Variants in USP31 observed in about 807,000 individuals in gnomAD.
USP31 encodes the protein ubiquitin specific peptidase 31, also known as ubiquitin carboxyl-terminal hydrolase 31.
USP31 carries 44 observed loss-of-function variants against 119.4 expected under a neutral mutation model. That is an observed-to-expected ratio of 0.37 (90% confidence interval 0.29 to 0.47). USP31 has a LOEUF of 0.47. Among genes scored for constraint, USP31 ranks in the 20% least tolerant of loss-of-function variants. The pLI, the probability that USP31 is intolerant of heterozygous loss-of-function variation, is 0.99. For synonymous variants in USP31, 749 were observed against 705.6 expected (o/e 1.06, Z -0.97); for missense variants, 1,643 against 1,730.2 (o/e 0.95, Z 0.89).
intron 4 of USP31, 56 bp from the exon 5 acceptor site, chr16:23,105,632 G>T (rs879314653): frequency 1.9e-5 from 28 of 1,469,222 alleles, no homozygotes; most frequent in Admixed American, 4.6e-5. Context: ...CTAAAATATA[G>T]AAGATGCAAA....
rs1424108867 is a variant in USP31, at chr16:23,067,259, G to C, written c.*787C>G. On this transcript the variant is annotated 3_prime_UTR_variant, in exon 16 of 16. Coordinates refer to ENST00000219689, the MANE Select transcript of USP31 (RefSeq NM_020718.4). ...AATTAAACGAGTGACTGGCTTTCTG[G>C]CTATCCAATCTGCCACTTCCTAGGA... 1 of 152,622 alleles carries C rather than the reference G, an allele frequency of 6.6e-6. No individual in the cohort carries two copies. The highest frequency in any genetic ancestry group is 1.5e-5 in the Non-Finnish European group (1 of 68,052). 9.5% of individuals were successfully genotyped at this position (152,622 alleles called of 1,614,324 possible). A position where few individuals can be genotyped will look rare whatever the true frequency, so the allele number is the denominator to read the frequency against.
At chr16:23,087,890 T>C in intron 7 of USP31, 55 bp from the exon 8 acceptor site, 1 of 1,456,294 alleles carries the variant, frequency 6.9e-7, no homozygotes, top group Admixed American at 1.7e-5. Flanking sequence ...CCTTTAACAC[T>C]GTTATCTTTT....
intron 13 of USP31, among the ~76,000 whole-genome samples, chr16:23,074,952 C>T (rs1900499776): frequency 6.6e-6 from 1 of 152,146 alleles, no homozygotes; most frequent in African/African-American, 2.4e-5. Flanking sequence ...CTGGAACAGA[C>T]TCAGGATGGC....
At chr16:23,083,595 TAAA>T (rs755789724) in intron 11 of USP31, among the ~76,000 whole-genome samples, 4 of 98,846 alleles carry the variant, frequency 4.0e-5, no homozygotes, top group Non-Finnish European at 4.0e-5. Context: ...CCAAAGTCAT[TAAA>T]AAAAAAAAAA....
intron 5 of USP31, among the ~76,000 whole-genome samples, chr16:23,104,828 A>T (rs1295761724): frequency 6.6e-6 from 1 of 152,240 alleles, no homozygotes; most frequent in East Asian, 1.9e-4. Context: ...ATGCAAAAAC[A>T]TGTCAAGTCC....
Position 23,149,349 on chromosome 16 carries a change from G to A in USP31, c.-79C>T. On this transcript the variant is annotated 5_prime_UTR_variant, in exon 1 of 16. Transcript: ENST00000219689. ...GCCACGGCCGCCGCCGCATCCCGCA[G>A]CGCCGCGCCTCACCGGGCCCGGGGG... 1 of 997,108 alleles carries A rather than the reference G, an allele frequency of 1.0e-6. No homozygotes were observed. The highest frequency in any genetic ancestry group is 1.2e-6 in the Non-Finnish European group (1 of 839,306). The allele number at this position is 997,108 out of a possible 1,614,324, so 61.8% of individuals were successfully genotyped here. A position where few individuals can be genotyped will look rare whatever the true frequency, so the allele number is the denominator to read the frequency against.
chr16:23,134,674 TA>T (rs371982166), intron 1 of USP31, among the ~76,000 whole-genome samples: 28,461 of 86,778 alleles, frequency 0.33, 2,795 homozygotes, highest in Non-Finnish European at 0.35. Context: ...GAAACAAAGC[TA>T]AAAAAAAAAA....
intron 1 of USP31, among the ~76,000 whole-genome samples, chr16:23,137,594 CAT>C (rs1276599375): frequency 2.7e-5 from 4 of 150,168 alleles, no homozygotes; most frequent in African/African-American, 9.8e-5. Flanking sequence ...TAATATAACA[CAT>C]GACATATATA....
At chr16:23,070,877 G>A (rs1398273138) in intron 15 of USP31, among the ~76,000 whole-genome samples, 1 of 152,128 alleles carries the variant, frequency 6.6e-6, no homozygotes, top group Non-Finnish European at 1.5e-5. Context: ...GCTCTATTCT[G>A]TGGGCACCAC....
Position 23,148,686 on chromosome 16 carries a change from C to T in USP31, c.585G>A (p.Arg195=), listed in dbSNP as rs1250221779. 1.3e-6 allele frequency: 2 copies of T among 1,493,192 alleles called. No individual in the cohort carries two copies. The highest frequency in any genetic ancestry group is 1.8e-6 in the Non-Finnish European group (2 of 1,124,686). 92.5% of individuals were successfully genotyped at this position (1,493,192 alleles called of 1,614,324 possible). A position where few individuals can be genotyped will look rare whatever the true frequency, so the allele number is the denominator to read the frequency against. The change falls in exon 1 of 16, where the codon CGG becomes CGA. Residue 195 remains arginine (R), a synonymous_variant. Coordinates refer to ENST00000219689, the MANE Select transcript of USP31 (RefSeq NM_020718.4). ...EVTEQLAHLV[R]ALWTLEYTPQ... ...GGGTGTACTCCAGGGTCCAGAGGGC[C>T]CGCACCAGGTGCGCCAGCTGCTCAG...
chr16:23,132,202 T>C (rs1903049816), intron 1 of USP31, among the ~76,000 whole-genome samples: 2 of 152,202 alleles, frequency 1.3e-5, no homozygotes, highest in African/African-American at 4.8e-5. Flanking sequence ...AAAAGGTCAT[T>C]TGAGGAACAG....
chr16:23,100,219 G>C (rs1029562214), intron 6 of USP31, among the ~76,000 whole-genome samples: 3 of 152,066 alleles, frequency 2.0e-5, no homozygotes, highest in African/African-American at 7.2e-5. Flanking sequence ...AAACTTGTGT[G>C]GAATGTTCAC....
chr16:23,095,976 G>C (rs1322264809), intron 6 of USP31, among the ~76,000 whole-genome samples: 1 of 152,130 alleles, frequency 6.6e-6, no homozygotes, highest in Non-Finnish European at 1.5e-5. Flanking sequence ...ATAATAACAG[G>C]ATCAAATTCA....
chr16:23,136,064 AT>A (rs57419991), intron 1 of USP31, among the ~76,000 whole-genome samples: 2 of 152,216 alleles, frequency 1.3e-5, no homozygotes, highest in African/African-American at 4.8e-5. Context: ...TGATCAATTG[AT>A]TTTCAACAAG....
At chr16:23,102,726 G>GA (rs905797404) in intron 5 of USP31, among the ~76,000 whole-genome samples, 1 of 149,874 alleles carries the variant, frequency 6.7e-6, no homozygotes, top group Admixed American at 6.6e-5. Flanking sequence ...ATATTCAGAA[G>GA]AAAAAAAAAG....
At chr16:23,142,930 T>C (rs1903393537) in intron 1 of USP31, among the ~76,000 whole-genome samples, 1 of 152,144 alleles carries the variant, frequency 6.6e-6, no homozygotes, top group Admixed American at 6.6e-5. Context: ...AGCTTGACAC[T>C]AACAAGAAAA....
At chr16:23,084,133 A>G (rs1346400895) in intron 11 of USP31, among the ~76,000 whole-genome samples, 1 of 152,270 alleles carries the variant, frequency 6.6e-6, no homozygotes, top group African/African-American at 2.4e-5. Context: ...TTAAGAGTGA[A>G]GAGTTACAAC....
Position 23,106,297 on chromosome 16 carries a change from AAAG to A in USP31, c.866_868del (p.Ser289del). 1.9e-6 allele frequency: 3 copies of A among 1,614,194 alleles called. No homozygotes were observed. In the South Asian group the frequency reaches 3.3e-5, roughly 18 times the overall value. Reference sequence around the variant, plus strand: ...CTGTTTCTGACAATGAGGACACGTCAAAGAAGATCTTCAAAACAAAAAGGTAAG... The same window carrying A: ...CTGTTTCTGACAATGAGGACACGTCAAAGATCTTCAAAACAAAAAGGTAAG... On this transcript the variant is annotated inframe_deletion, in exon 4 of 16. Transcript: ENST00000219689.
At chr16:23,123,475 A>T (rs34105023) in intron 1 of USP31, among the ~76,000 whole-genome samples, 41,492 of 151,922 alleles carry the variant, frequency 0.27, 6,109 homozygotes, top group Admixed American at 0.34. Context: ...GAGGTGGAGG[A>T]TGCAGTGAGC....
Sources: allele counts gnomAD v4.1 joint callset (sites outside exome capture counted in the v4.1 genomes callset), GRCh38; gene constraint gnomAD v4.1.1; transcripts MANE v1.5; gene names NCBI Gene and HGNC (gene_info 2026-07-23, HGNC 2026-07-21).